The following STK3 variants were observed in gnomAD, a reference collection of about 807,000 sequenced individuals.
STK3 encodes serine/threonine kinase 3.
Under a neutral mutation model 58.0 loss-of-function variants are expected in STK3, and 41 were observed. The observed-to-expected ratio is 0.71, with a 90% CI of 0.55 to 0.92. The LOEUF (loss-of-function observed/expected upper bound fraction) is 0.92. Ranked by LOEUF, STK3 falls within the 40% of genes least tolerant of loss-of-function variation. The pLI is 0.00. For missense variants in STK3, 479 were observed against 602.7 expected (o/e 0.79, Z 2.15); for synonymous variants, 170 against 191.0 (o/e 0.89, Z 0.91).
intron 1 of STK3, among the ~76,000 whole-genome samples, chr8:98,813,779 A>G (rs1367491417): frequency 2.0e-5 from 3 of 152,258 alleles, no homozygotes; most frequent in Non-Finnish European, 4.4e-5. Context: ...ACATGTTATT[A>G]CATTCGCTTT....
At chr8:98,540,543 T>C (rs1162944648) in intron 9 of STK3, among the ~76,000 whole-genome samples, 1 of 152,224 alleles carries the variant, frequency 6.6e-6, no homozygotes, top group Non-Finnish European at 1.5e-5. Flanking sequence ...CTTCACCTTA[T>C]AGCTTCATCC....
chr8:98,864,056 G>A (rs1837033578), intron 3 of STK3, among the ~76,000 whole-genome samples: 2 of 151,806 alleles, frequency 1.3e-5, no homozygotes, highest in African/African-American at 2.4e-5. Flanking sequence ...AAAATTAGCC[G>A]GGTGTGGTGG....
At chr8:98,548,704 T>C (rs565779580) in intron 8 of STK3, among the ~76,000 whole-genome samples, 17 of 152,248 alleles carry the variant, frequency 1.1e-4, no homozygotes, top group Admixed American at 2.0e-4. Context: ...CATTATATGT[T>C]TACAGAACTC....
At chr8:98,525,985 G>C (rs1825718500) in intron 10 of STK3, among the ~76,000 whole-genome samples, 1 of 151,388 alleles carries the variant, frequency 6.6e-6, no homozygotes, top group South Asian at 2.1e-4. Context: ...TATTTTGTTT[G>C]GGAAAAAAAA....
chr8:98,908,473 AG>A (rs767340861), intron 1 of STK3, among the ~76,000 whole-genome samples: 73 of 152,308 alleles, frequency 4.8e-4, no homozygotes, highest in Non-Finnish European at 8.2e-4. Context: ...GGATCACTTG[AG>A]CTCAGGAGTT....
intron 1 of STK3, among the ~76,000 whole-genome samples, chr8:98,922,854 C>G (rs1226577633): frequency 6.6e-6 from 1 of 152,218 alleles, no homozygotes; most frequent in African/African-American, 2.4e-5. Context: ...TGCACACATA[C>G]TCATTCATTC....
chr8:98,661,120 C>T (rs1031134418), intron 6 of STK3, among the ~76,000 whole-genome samples: 1 of 151,412 alleles, frequency 6.6e-6, no homozygotes, highest in Non-Finnish European at 1.5e-5. Flanking sequence ...AGCACTCCTA[C>T]CATAAGTATA....
chr8:98,647,626 A>G (rs1263544211), intron 6 of STK3, among the ~76,000 whole-genome samples: 1 of 152,110 alleles, frequency 6.6e-6, no homozygotes, highest in Non-Finnish European at 1.5e-5. Flanking sequence ...GCTCACTGCA[A>G]CCTCAGCCTC....
intron 4 of STK3, among the ~76,000 whole-genome samples, chr8:98,714,729 T>C (rs999052103): frequency 2.0e-5 from 3 of 152,200 alleles, no homozygotes; most frequent in African/African-American, 7.2e-5. Flanking sequence ...ATAGATTCAA[T>C]GCCATCCCCA....
At chr8:98,925,409 C>T (rs1839750328) in intron 1 of STK3, among the ~76,000 whole-genome samples, 1 of 152,202 alleles carries the variant, frequency 6.6e-6, no homozygotes, top group South Asian at 2.1e-4. Flanking sequence ...AGTTCCTTAG[C>T]TCTCCCAAGA....
chr8:98,519,411 GCTACT>G lies in STK3; in HGVS notation c.1317+7326_1317+7330del, dbSNP rs375481445. Reference sequence around the variant, plus strand: ...GGTGGCCCTGCTCCTCTTTTTCGGGGCTACTCTAGTTTCTTTATCACTCCTTCACA... The same window carrying G: ...GGTGGCCCTGCTCCTCTTTTTCGGGGCTAGTTTCTTTATCACTCCTTCACA... On this transcript the variant is annotated intron_variant, in intron 10 of 10. Coordinates refer to ENST00000419617, the MANE Select transcript of STK3 (RefSeq NM_006281.4). Among the ~76,000 whole-genome samples, 52 of 152,138 alleles carry G rather than the reference GCTACT, an allele frequency of 3.4e-4. No individual in the cohort carries two copies. In the East Asian group the frequency reaches 9.9e-3, roughly 29 times the overall value.
intron 4 of STK3, among the ~76,000 whole-genome samples, chr8:98,727,779 C>T (rs895740816): frequency 6.6e-6 from 1 of 152,190 alleles, no homozygotes; most frequent in Non-Finnish European, 1.5e-5. Flanking sequence ...CATTTTCCTA[C>T]TAGCACCTCC....
intron 3 of STK3, among the ~76,000 whole-genome samples, chr8:98,865,006 C>T (rs1837082448): frequency 6.6e-6 from 1 of 152,166 alleles, no homozygotes; most frequent in Non-Finnish European, 1.5e-5. Flanking sequence ...CTTTACAGAA[C>T]CCAGCCACAT....
intron 1 of STK3, among the ~76,000 whole-genome samples, chr8:98,884,555 G>T (rs1452210458): frequency 1.3e-5 from 2 of 152,150 alleles, no homozygotes; most frequent in East Asian, 3.9e-4. Flanking sequence ...TTCTTTTCCT[G>T]GTTCAGGATT....
chr8:98,906,873 TG>T (rs1838923861), intron 1 of STK3, among the ~76,000 whole-genome samples: 1 of 151,660 alleles, frequency 6.6e-6, no homozygotes, highest in Admixed American at 6.6e-5. Flanking sequence ...ACAGGCTGGG[TG>T]TGGAGGCTCA....
chr8:98,348,659 A>G, the STK3 span, among the ~76,000 whole-genome samples: 2 of 152,248 alleles, frequency 1.3e-5, no homozygotes, highest in Non-Finnish European at 2.9e-5. Context: ...TAAGTGTATG[A>G]AAAGATGTTC....
intron 1 of STK3, among the ~76,000 whole-genome samples, chr8:98,383,979 C>T (rs1817764936): frequency 6.6e-6 from 1 of 152,140 alleles, no homozygotes; most frequent in Non-Finnish European, 1.5e-5. Context: ...CAGGTGAGAC[C>T]ACATCGTTAG....
intron 8 of STK3, among the ~76,000 whole-genome samples, chr8:98,571,056 A>G (rs1318448917): frequency 2.0e-5 from 3 of 152,216 alleles, no homozygotes; most frequent in Admixed American, 2.0e-4. Context: ...TTGGCCAGAA[A>G]CAGTGGCTCA....
At chr8:98,872,267 G>A (rs997160143) in intron 3 of STK3, among the ~76,000 whole-genome samples, 11 of 152,120 alleles carry the variant, frequency 7.2e-5, no homozygotes, top group African/African-American at 2.7e-4. Flanking sequence ...GAGGATTTTT[G>A]CATTGATGTT....
Sources: gnomAD v4.1 joint callset for allele counts (sites outside exome capture counted in the v4.1 genomes callset) on GRCh38, gnomAD v4.1.1 for gene constraint, MANE v1.5 for transcripts, NCBI Gene and HGNC (gene_info 2026-07-23, HGNC 2026-07-21) for gene names.